Variants in NEGR1 observed in about 807,000 individuals in gnomAD.
NEGR1 encodes IgLON family member 4.
A neutral mutation model predicts 40.9 loss-of-function variants in NEGR1; 10 were observed. The ratio of observed to expected loss-of-function variants is 0.24; its 90% CI spans 0.15 to 0.42. The LOEUF (loss-of-function observed/expected upper bound fraction) is 0.42. Among genes scored for constraint, NEGR1 ranks in the 10% least tolerant of loss-of-function variants. The pLI, the probability that NEGR1 is intolerant of heterozygous loss-of-function variation, is 1.00. For missense variants in NEGR1, 352 were observed against 438.9 expected, an observed-to-expected ratio of 0.80 and a Z score of 1.77; for synonymous variants, 185 against 166.8, an observed-to-expected ratio of 1.11 and a Z score of -0.84.
intron 1 of NEGR1, among the ~76,000 whole-genome samples, chr1:71,984,967 A>C (rs559735130): frequency 9.2e-5 from 14 of 152,310 alleles, no homozygotes; most frequent in African/African-American, 3.4e-4. Context: ...TAACAACCAT[A>C]GGAAATAAAT....
intron 2 of NEGR1, among the ~76,000 whole-genome samples, chr1:71,854,805 C>T (rs1659711979): frequency 6.6e-6 from 1 of 152,080 alleles, no homozygotes; most frequent in African/African-American, 2.4e-5. Flanking sequence ...ACGAGAAAAG[C>T]ATGGGGGTAA....
At chr1:72,208,874 A>G (rs1217705905) in intron 1 of NEGR1, among the ~76,000 whole-genome samples, 1 of 151,726 alleles carries the variant, frequency 6.6e-6, no homozygotes, top group Non-Finnish European at 1.5e-5. Context: ...CAAACAGTCA[A>G]GTTACATCTA....
At chr1:71,799,271 A>G (rs1266696031) in intron 2 of NEGR1, among the ~76,000 whole-genome samples, 1 of 152,144 alleles carries the variant, frequency 6.6e-6, no homozygotes, top group East Asian at 1.9e-4. Flanking sequence ...TTCAACTCCC[A>G]CTTATGAGGG....
chr1:71,659,931 G>A (rs562895951), intron 4 of NEGR1, among the ~76,000 whole-genome samples: 1 of 152,116 alleles, frequency 6.6e-6, no homozygotes, highest in Admixed American at 6.6e-5. Context: ...TCCTTAAAGA[G>A]CTAAAACCAC....
chr1:71,532,395 A>G lies in NEGR1; in HGVS notation c.940+60422T>C, dbSNP rs1217208959. Among the ~76,000 whole-genome samples, 4 of 151,568 alleles carry G rather than the reference A, an allele frequency of 2.6e-5. No individual in the cohort carries two copies. The South Asian group carries it at 6.2e-4, about 24-fold the overall frequency. On this transcript the variant is annotated intron_variant, in intron 6 of 6. Coordinates refer to ENST00000357731, the MANE Select transcript of NEGR1 (RefSeq NM_173808.3). ...AACTTGATAGTTTCAAGAGACCAAA[A>G]TCTCCTACTATAATATTGCAAGAGT... is the stretch of plus-strand genomic sequence containing the variant.
At chr1:71,598,804 C>T (rs1165248156) in intron 5 of NEGR1, among the ~76,000 whole-genome samples, 4 of 152,216 alleles carry the variant, frequency 2.6e-5, no homozygotes, top group Non-Finnish European at 5.9e-5. Context: ...TATGGGGTTA[C>T]TGTATTCTGC....
intron 1 of NEGR1, among the ~76,000 whole-genome samples, chr1:72,253,528 A>C (rs1159006748): frequency 6.6e-6 from 1 of 152,190 alleles, no homozygotes. Flanking sequence ...GGTCTTTTCC[A>C]TTCAACTGCA....
intron 2 of NEGR1, among the ~76,000 whole-genome samples, chr1:71,788,566 A>T (rs1656994705): frequency 6.6e-6 from 1 of 152,104 alleles, no homozygotes; most frequent in Non-Finnish European, 1.5e-5. Context: ...CAAAAACTCA[A>T]ATTTTCAGAT....
At chr1:71,457,517 G>T (rs1466884623) in intron 6 of NEGR1, among the ~76,000 whole-genome samples, 4 of 152,140 alleles carry the variant, frequency 2.6e-5, no homozygotes, top group Non-Finnish European at 5.9e-5. Flanking sequence ...CTAGGAAAAA[G>T]AGGAAACAAG....
intron 2 of NEGR1, among the ~76,000 whole-genome samples, chr1:71,807,726 A>G (rs1180273784): frequency 1.3e-5 from 2 of 152,192 alleles, no homozygotes; most frequent in South Asian, 2.1e-4. Flanking sequence ...CAAATCCAGT[A>G]AGCAGTTTCT....
intron 6 of NEGR1, among the ~76,000 whole-genome samples, chr1:71,418,576 T>C (rs1338715107): frequency 1.3e-5 from 2 of 152,152 alleles, no homozygotes; most frequent in African/African-American, 2.4e-5. Context: ...CGTGCCTCTT[T>C]TACTTGGAAT....
At chr1:72,232,909 G>C (rs921738791) in intron 1 of NEGR1, among the ~76,000 whole-genome samples, 1 of 152,084 alleles carries the variant, frequency 6.6e-6, no homozygotes, top group South Asian at 2.1e-4. Context: ...AAAACGGTAG[G>C]AAGATGAAAG....
chr1:72,236,948 G>T (rs1188893254), intron 1 of NEGR1, among the ~76,000 whole-genome samples: 2 of 151,960 alleles, frequency 1.3e-5, no homozygotes, highest in South Asian at 4.1e-4. Context: ...AGGATAGTTA[G>T]AAAACATTTT....
At chr1:71,938,335 G>C (rs1645928286) in intron 1 of NEGR1, among the ~76,000 whole-genome samples, 2 of 150,084 alleles carry the variant, frequency 1.3e-5, no homozygotes, top group African/African-American at 4.9e-5. Context: ...TCTAGTATGA[G>C]ATGACTACAT....
chr1:72,068,912 T>A (rs1451323551), intron 1 of NEGR1, among the ~76,000 whole-genome samples: 1 of 152,128 alleles, frequency 6.6e-6, no homozygotes, highest in Non-Finnish European at 1.5e-5. Context: ...TTATATCATT[T>A]AATAGGAAGA....
At chr1:72,242,870 T>C (rs765960283) in intron 1 of NEGR1, among the ~76,000 whole-genome samples, 3 of 151,642 alleles carry the variant, frequency 2.0e-5, no homozygotes, top group East Asian at 1.9e-4. Context: ...CCCTGCACTA[T>C]AGCATAGTGT....
intron 2 of NEGR1, among the ~76,000 whole-genome samples, chr1:71,886,070 C>T (rs1660714704): frequency 6.6e-6 from 1 of 152,122 alleles, no homozygotes; most frequent in Non-Finnish European, 1.5e-5. Flanking sequence ...AGACTATCAA[C>T]CATTAATAGT....
At chr1:72,168,748 T>G (rs1651857897) in intron 1 of NEGR1, among the ~76,000 whole-genome samples, 1 of 151,736 alleles carries the variant, frequency 6.6e-6, no homozygotes, top group Admixed American at 6.6e-5. Context: ...AATAAAAAAT[T>G]AATTCGCCAG....
At chr1:72,206,989 T>A (rs1436795142) in intron 1 of NEGR1, among the ~76,000 whole-genome samples, 1 of 149,304 alleles carries the variant, frequency 6.7e-6, no homozygotes, top group Non-Finnish European at 1.5e-5. Context: ...TTTGAAAGTA[T>A]AAATATTAGA....
Sources: gnomAD v4.1 joint callset for allele counts (sites outside exome capture counted in the v4.1 genomes callset) on GRCh38, gnomAD v4.1.1 for gene constraint, MANE v1.5 for transcripts, NCBI Gene and HGNC (gene_info 2026-07-23, HGNC 2026-07-21) for gene names.